The following C8orf34 variants were observed in gnomAD, a reference collection of about 807,000 sequenced individuals.
The protein encoded by C8orf34 is chromosome 8 open reading frame 34, also known as uncharacterized protein C8orf34.
A neutral mutation model predicts 68.3 loss-of-function variants in C8orf34; 65 were observed. That is an observed-to-expected ratio of 0.95 (90% CI 0.78 to 1.17). C8orf34 has a LOEUF of 1.17. Ranked by LOEUF, C8orf34 falls within the 50% of genes most tolerant of loss-of-function variation. The pLI is 0.00. For missense variants in C8orf34, 664 were observed against 655.4 expected (o/e 1.01, Z -0.14); for synonymous variants, 244 against 241.2 (o/e 1.01, Z -0.11).
At chr8:68,425,042 T>C (rs561158874) in intron 1 of C8orf34, among the ~76,000 whole-genome samples, 7 of 152,276 alleles carry the variant, frequency 4.6e-5, no homozygotes, top group African/African-American at 1.7e-4. Context: ...TCACATCATA[T>C]TAATTGATGC....
At chr8:68,557,298 G>A (rs1042042091) in intron 7 of C8orf34, among the ~76,000 whole-genome samples, 1 of 152,036 alleles carries the variant, frequency 6.6e-6, no homozygotes, top group Non-Finnish European at 1.5e-5. Context: ...TTCTCCGTGG[G>A]GGAATGATTT....
At chr8:68,477,855 C>T (rs1276565481) in intron 4 of C8orf34, among the ~76,000 whole-genome samples, 1 of 152,188 alleles carries the variant, frequency 6.6e-6, no homozygotes, top group Non-Finnish European at 1.5e-5. Context: ...GAAGCAACAG[C>T]CTTTGGTCCC....
chr8:68,620,757 T>C (rs538243762), intron 7 of C8orf34, among the ~76,000 whole-genome samples: 4 of 150,312 alleles, frequency 2.7e-5, no homozygotes, highest in Admixed American at 2.6e-4. Flanking sequence ...AGATGGCAGA[T>C]ATAAGTGTCC....
chr8:68,787,804 T>G (rs1000891685), intron 12 of C8orf34, among the ~76,000 whole-genome samples: 2 of 152,190 alleles, frequency 1.3e-5, no homozygotes, highest in African/African-American at 4.8e-5. Flanking sequence ...CTAGTTGGAA[T>G]ATGAATCTTC....
At chr8:68,504,165 C>T (rs1813902202) in intron 5 of C8orf34, among the ~76,000 whole-genome samples, 1 of 152,170 alleles carries the variant, frequency 6.6e-6, no homozygotes, top group Admixed American at 6.5e-5. Context: ...CTGGAAATTT[C>T]ATATAAATGT....
intron 5 of C8orf34, among the ~76,000 whole-genome samples, chr8:68,510,413 A>T (rs1267076539): frequency 6.6e-6 from 1 of 152,154 alleles, no homozygotes; most frequent in Non-Finnish European, 1.5e-5. Context: ...TTTGCAGGAT[A>T]ATTGCTCAGA....
chr8:68,692,673 G>T (rs1820719682), intron 8 of C8orf34, among the ~76,000 whole-genome samples: 1 of 152,048 alleles, frequency 6.6e-6, no homozygotes, highest in Admixed American at 6.6e-5. Flanking sequence ...ATCATCTCCA[G>T]AAAATAAGGA....
intron 9 of C8orf34, among the ~76,000 whole-genome samples, chr8:68,710,995 CTT>C (rs1821315334): frequency 6.6e-6 from 1 of 152,168 alleles, no homozygotes; most frequent in African/African-American, 2.4e-5. Context: ...TCACAGGACT[CTT>C]TGCAGACACT....
intron 4 of C8orf34, among the ~76,000 whole-genome samples, chr8:68,480,524 C>T (rs1812815114): frequency 6.6e-6 from 1 of 152,100 alleles, no homozygotes. Flanking sequence ...AATTTGGAGG[C>T]CTCAGAAGAA....
chr8:68,768,865 C>G (rs572566123), intron 10 of C8orf34, among the ~76,000 whole-genome samples: 1 of 151,358 alleles, frequency 6.6e-6, no homozygotes, highest in Admixed American at 6.6e-5. Flanking sequence ...AGAGTTTTCT[C>G]TACTAGATCA....
At chr8:68,534,716 G>C (rs1378329713) in intron 7 of C8orf34, 1 of 985,268 alleles carries the variant, frequency 1.0e-6, no homozygotes. Context: ...CCTGTAAATG[G>C]TTCCTCTGCT....
intron 12 of C8orf34, among the ~76,000 whole-genome samples, chr8:68,804,295 A>C (rs1451605655): frequency 6.6e-6 from 1 of 152,214 alleles, no homozygotes; most frequent in African/African-American, 2.4e-5. Context: ...CAGATAGCAG[A>C]TGTTACTTAT....
chr8:68,665,356 A>T (rs1429755759), intron 8 of C8orf34, among the ~76,000 whole-genome samples: 1 of 152,124 alleles, frequency 6.6e-6, no homozygotes, highest in Non-Finnish European at 1.5e-5. Context: ...TGCTATAATT[A>T]CGTTACCTAA....
chr8:68,521,865 G>A lies in C8orf34; in HGVS notation c.832G>A (p.Glu278Lys), dbSNP rs774382540. The A allele has an allele frequency of 6.2e-7, 1 of 1,614,062 alleles. No individual in the cohort carries two copies. The highest frequency in any genetic ancestry group is 1.1e-5 in the South Asian group (1 of 91,084). ...RVIGEWIGREENDADPLAAEM... is the reference protein window; with the variant it reads ...RVIGEWIGREKNDADPLAAEM... ...GATTGGAGAATGGATTGGTAGAGAA[G>A]AAAATGATGCTGATCCCCTAGCTGC... Residue 278 changes from glutamate (E) to lysine (K), a missense_variant, in exon 6 of 14, where the codon GAA (glutamate) becomes AAA (lysine). Transcript: ENST00000518698.
intron 10 of C8orf34, among the ~76,000 whole-genome samples, chr8:68,726,527 A>C (rs1821835201): frequency 6.6e-6 from 1 of 152,182 alleles, no homozygotes; most frequent in Non-Finnish European, 1.5e-5. Context: ...TACCTTGATA[A>C]AGTGTCTGCT....
intron 7 of C8orf34, among the ~76,000 whole-genome samples, chr8:68,606,362 A>G (rs1465689068): frequency 1.3e-5 from 2 of 152,150 alleles, no homozygotes; most frequent in African/African-American, 4.8e-5. Context: ...TTGTTGGTGG[A>G]AAAGATATTC....
chr8:68,701,066 GATCTACT>G (rs1283470311), intron 8 of C8orf34, among the ~76,000 whole-genome samples: 1 of 152,004 alleles, frequency 6.6e-6, no homozygotes, highest in Non-Finnish European at 1.5e-5. Flanking sequence ...CATTTATCAG[GATCTACT>G]ATTTATTTTG....
intron 8 of C8orf34, among the ~76,000 whole-genome samples, chr8:68,669,984 C>CGTCT (rs1287436325): frequency 2.6e-5 from 4 of 152,194 alleles, no homozygotes; most frequent in African/African-American, 9.6e-5. Context: ...ACCTCCCAGA[C>CGTCT]ACAAGATTTG....
At chr8:68,557,191 CTGTGTTT>C (rs1816281176) in intron 7 of C8orf34, among the ~76,000 whole-genome samples, 2 of 152,176 alleles carry the variant, frequency 1.3e-5, no homozygotes, top group East Asian at 3.9e-4. Flanking sequence ...TTGTTAGCTC[CTGTGTTT>C]TGTAATTAAC....
Sources: gnomAD v4.1 joint callset for allele counts (sites outside exome capture counted in the v4.1 genomes callset) on GRCh38, gnomAD v4.1.1 for gene constraint, MANE v1.5 for transcripts, NCBI Gene and HGNC (gene_info 2026-07-23, HGNC 2026-07-21) for gene names.